MOB3A: variants seen among roughly 807,000 people sequenced by gnomAD.
MOB3A encodes MOB LAK.
MOB3A carries 17 observed loss-of-function variants against 17.8 expected under a neutral mutation model. That is an observed-to-expected ratio of 0.95 (90% CI 0.65 to 1.43). The LOEUF is 1.43. Ranked by LOEUF, MOB3A falls within the 40% of genes most tolerant of loss-of-function variation. MOB3A has a pLI of 0.00. For synonymous variants in MOB3A, 124 were observed against 133.2 expected (o/e 0.93, Z 0.48); for missense variants, 333 against 310.8 (o/e 1.07, Z -0.54).
intron 1 of MOB3A, among the ~76,000 whole-genome samples, chr19:2,088,686 T>G (rs1599411136): frequency 6.6e-6 from 1 of 152,182 alleles, no homozygotes; most frequent in South Asian, 2.1e-4. Context: ...GCCAGGCTGG[T>G]CTCCAACTCC....
At chr19:2,076,049 G>C (rs931490780) in intron 4 of MOB3A, among the ~76,000 whole-genome samples, 12 of 148,838 alleles carry the variant, frequency 8.1e-5, no homozygotes, top group African/African-American at 3.0e-4. Context: ...CTTGAACCCG[G>C]AAGGTGGGGG....
In MOB3A at chr19:2,078,207, G is replaced by A. The variant is rs370127247; in HGVS notation, c.354C>T (p.Tyr118=). Residue 118 remains tyrosine, a synonymous_variant, in exon 3 of 5, where the codon TAC becomes TAT. Transcript: ENST00000357066. ...RKPTALSAPR[Y]MDLLMDWIEA... The stretch of plus-strand genomic sequence containing the variant: ...CGATCCAGTCCATCAGCAGGTCCAT[G>A]TACCTGGGCGCGGAGAGTGCCGTGG... The A allele has an allele frequency of 3.7e-6, 6 of 1,611,410 alleles. No homozygotes were observed. Among genetic ancestry groups the A allele is most frequent in the Non-Finnish European group, 5.1e-6 (6 of 1,178,058 alleles).
Position 2,076,993 on chromosome 19 carries a change from A to T in MOB3A, c.442T>A (p.Phe148Ile). The change falls in exon 4 of 5, where the codon TTC (phenylalanine) becomes ATC (isoleucine). Residue 148 changes from phenylalanine (F) to isoleucine (I), a missense_variant. Phe to Ile is a conservative substitution (Grantham distance 21). Transcript: ENST00000357066. ...TNVGTPFPKN[F>I]LQTVRKILSR... Reference sequence around the variant, plus strand: ...AGGATCTTCCGCACCGTCTGCAGGAAGTTCTTGGGAAACGGAGTGCCTGCA... The same window carrying T: ...AGGATCTTCCGCACCGTCTGCAGGATGTTCTTGGGAAACGGAGTGCCTGCA... 6.2e-7 allele frequency: 1 copy of T among 1,613,550 alleles called. No homozygotes were observed. The highest frequency in any genetic ancestry group is 8.5e-7 in the Non-Finnish European group (1 of 1,179,904).
intron 1 of MOB3A, among the ~76,000 whole-genome samples, chr19:2,087,967 G>A (rs1394410872): frequency 6.6e-6 from 1 of 152,210 alleles, no homozygotes; most frequent in Admixed American, 6.5e-5. Context: ...CATGCTCTGA[G>A]CCCGCCCAGT....
At position 2,075,978 on chromosome 19, in the gene MOB3A, C is replaced by T. The variant is rs546643764; in HGVS notation, c.624+833G>A. The stretch of plus-strand genomic sequence containing the variant: ...TCTCTACTAAAAATACAAAAATTAG[C>T]GGGGTGTGGTGGCACGTGCCTGTAA... On this transcript the variant is annotated intron_variant, in intron 4 of 4. Coordinates refer to ENST00000357066, the MANE Select transcript of MOB3A (RefSeq NM_130807.3). Among the ~76,000 whole-genome samples the T allele has an allele frequency of 1.1e-4, 17 of 152,038 alleles. No individual in the cohort carries two copies. The South Asian group carries it at 3.3e-3, about 30-fold the overall frequency.
rs2017450039 is a variant in MOB3A at position 2,078,700 on chromosome 19, A to G, written c.-119-21T>C. On this transcript the variant is annotated intron_variant, in intron 2 of 4. Coordinates refer to ENST00000357066, the MANE Select transcript of MOB3A (RefSeq NM_130807.3). ...CGGACCTGAAATACACAGGGGAATC[A>G]TGACCTGCTGGAGGCGACAGAATTT... 1.3e-5 allele frequency: 10 copies of G among 790,246 alleles called. No homozygotes were observed. The South Asian group carries it at 2.1e-4, about 16-fold the overall frequency. 49.0% of individuals were successfully genotyped at this position (790,246 alleles called of 1,614,324 possible).
chr19:2,081,566 C>T (rs146528749), intron 2 of MOB3A, among the ~76,000 whole-genome samples: 55 of 147,156 alleles, frequency 3.7e-4, no homozygotes, highest in South Asian at 1.1e-3. Flanking sequence ...CCAGCCTGGG[C>T]GACAGAGCGA....
intron 1 of MOB3A, among the ~76,000 whole-genome samples, chr19:2,094,041 CTTT>C (rs1012593196): frequency 2.7e-5 from 3 of 113,196 alleles, no homozygotes; most frequent in East Asian, 2.5e-4. Flanking sequence ...TATGTAAGTT[CTTT>C]TTTTTTTTTT....
rs560512520 is a variant in MOB3A at position 2,072,936 on chromosome 19, G to A, written c.*459C>T. On this transcript the variant is annotated 3_prime_UTR_variant, in exon 5 of 5. Transcript: ENST00000357066. ...CCCCTCAGCCTCTTGCCTCCCCAACGGGAGACATGTAGGAGGCCGAGCAAG... is the reference window on the plus strand; with the variant it reads ...CCCCTCAGCCTCTTGCCTCCCCAACAGGAGACATGTAGGAGGCCGAGCAAG... 216 of 166,504 alleles carry A rather than the reference G, an allele frequency of 1.3e-3. 1 individual carries two copies. Among genetic ancestry groups the A allele is most frequent in the Non-Finnish European group, 3.9e-4 (30 of 77,292 alleles). The allele number at this position is 166,504 out of a possible 1,614,324, so 10.3% of individuals were successfully genotyped here.
At chr19:2,080,002 A>T (rs981742040) in intron 2 of MOB3A, among the ~76,000 whole-genome samples, 1 of 152,126 alleles carries the variant, frequency 6.6e-6, no homozygotes, top group Admixed American at 6.5e-5. Flanking sequence ...CACAGGGCGG[A>T]GGGGCGACCT....
intron 1 of MOB3A, among the ~76,000 whole-genome samples, chr19:2,090,358 G>A (rs914642008): frequency 6.6e-6 from 1 of 152,166 alleles, no homozygotes; most frequent in Non-Finnish European, 1.5e-5. Flanking sequence ...GCTGAGTCAG[G>A]GATAGACCAC....
chr19:2,091,681 G>A (rs2017615772), intron 1 of MOB3A, among the ~76,000 whole-genome samples: 1 of 150,754 alleles, frequency 6.6e-6, no homozygotes, highest in African/African-American at 2.4e-5. Flanking sequence ...ACTGCGCCCA[G>A]GCTCTAAGAC....
Position 2,085,299 on chromosome 19 carries a change from G to A in MOB3A, c.-244C>T, listed in dbSNP as rs144416202. On this transcript the variant is annotated 5_prime_UTR_variant, in exon 2 of 5. Coordinates refer to ENST00000357066, the MANE Select transcript of MOB3A (RefSeq NM_130807.3). ...TTCTGGGCTCCCCCGGTCTTCCCAC[G>A]GACGAGACACAAGTGACCCTTGGAA... is the stretch of plus-strand genomic sequence containing the variant. 23 of 152,074 alleles carry A rather than the reference G, an allele frequency of 1.5e-4. No homozygotes were observed. The highest frequency in any genetic ancestry group is 1.4e-3 in the East Asian group (7 of 5,184). 9.4% of individuals were successfully genotyped at this position (152,074 alleles called of 1,614,324 possible).
chr19:2,090,905 G>T (rs970394797), intron 1 of MOB3A, among the ~76,000 whole-genome samples: 8 of 152,138 alleles, frequency 5.3e-5, no homozygotes, highest in Non-Finnish European at 7.4e-5. Flanking sequence ...CTCGTGATCC[G>T]CCCACCTTGG....
At chr19:2,094,018 C>G (rs915433415) in intron 1 of MOB3A, among the ~76,000 whole-genome samples, 1 of 151,612 alleles carries the variant, frequency 6.6e-6, no homozygotes, top group African/African-American at 2.4e-5. Context: ...TCATCCAGCC[C>G]TCCTTCCTTC....
At chr19:2,095,984 T>C (rs564562784) in intron 1 of MOB3A, among the ~76,000 whole-genome samples, 113 of 152,170 alleles carry the variant, frequency 7.4e-4, no homozygotes, top group African/African-American at 2.7e-3. Flanking sequence ...CCTCAGGTGA[T>C]CCACCCGCGT....
chr19:2,092,064 T>A (rs1029785045), intron 1 of MOB3A, among the ~76,000 whole-genome samples: 1 of 150,590 alleles, frequency 6.6e-6, no homozygotes, highest in African/African-American at 2.4e-5. Flanking sequence ...TAAGGAACTA[T>A]TGTGTCTGGA....
intron 1 of MOB3A, among the ~76,000 whole-genome samples, chr19:2,085,963 CA>C (rs1036097194): frequency 2.0e-3 from 68 of 33,396 alleles, no homozygotes; most frequent in African/African-American, 2.5e-3. Flanking sequence ...GACTCTGTCT[CA>C]AAAAAAAAAA....
At chr19:2,087,843 C>T (rs1362655798) in intron 1 of MOB3A, among the ~76,000 whole-genome samples, 1 of 152,212 alleles carries the variant, frequency 6.6e-6, no homozygotes, top group Non-Finnish European at 1.5e-5. Flanking sequence ...ACTCCTTTCA[C>T]GGAACTTTTT....
Sources: gnomAD v4.1 joint callset for allele counts (sites outside exome capture counted in the v4.1 genomes callset) on GRCh38, gnomAD v4.1.1 for gene constraint, MANE v1.5 for transcripts, NCBI Gene and HGNC (gene_info 2026-07-23, HGNC 2026-07-21) for gene names.